UGT1A10: variants seen among roughly 807,000 people sequenced by gnomAD.
The protein encoded by UGT1A10 is UDP-glucuronosyltransferase 1A10.
In UGT1A10, 49 loss-of-function variants were observed where a neutral mutation model predicts 45.8. The ratio of observed to expected loss-of-function variants is 1.07; its 90% CI spans 0.85 to 1.36. UGT1A10 has a LOEUF of 1.36. UGT1A10 is among the 40% of genes most tolerant of loss of function. The pLI, the probability that UGT1A10 is intolerant of heterozygous loss-of-function variation, is 0.00. For synonymous variants in UGT1A10, 284 were observed against 249.7 expected (o/e 1.14, Z -1.29); for missense variants, 745 against 668.6 (o/e 1.11, Z -1.26).
chr2:233,749,957 G>T (rs1223169654), intron 1 of UGT1A10, among the ~76,000 whole-genome samples: 2 of 151,888 alleles, frequency 1.3e-5, no homozygotes, highest in African/African-American at 4.9e-5. Context: ...CGAGTCTTGG[G>T]TATGTCTTTA....
chr2:233,697,076 G>T (rs2075374196), intron 1 of UGT1A10, among the ~76,000 whole-genome samples: 1 of 151,938 alleles, frequency 6.6e-6, no homozygotes, highest in African/African-American at 2.4e-5. Context: ...TTGGTATCAG[G>T]GTAACACTGG....
intron 1 of UGT1A10, among the ~76,000 whole-genome samples, chr2:233,645,172 T>A (rs931646609): frequency 2.0e-5 from 3 of 152,172 alleles, no homozygotes; most frequent in African/African-American, 7.2e-5. Flanking sequence ...GAAAAATTGT[T>A]CTTGTTGACT....
intron 1 of UGT1A10, among the ~76,000 whole-genome samples, chr2:233,654,012 A>G (rs949913759): frequency 6.6e-6 from 1 of 152,236 alleles, no homozygotes; most frequent in Non-Finnish European, 1.5e-5. Context: ...TCTTGTGCTA[A>G]TGCACTTCCA....
At chr2:233,662,631 G>C (rs1339480517) in intron 1 of UGT1A10, among the ~76,000 whole-genome samples, 1 of 151,994 alleles carries the variant, frequency 6.6e-6, no homozygotes, top group Non-Finnish European at 1.5e-5. Context: ...TCTTTTTCTT[G>C]TTTGACTGCA....
At position 233,636,495 on chromosome 2, in the gene UGT1A10, A is replaced by G. The variant is rs368365791; in HGVS notation, c.-28A>G. The G allele has an allele frequency of 6.3e-7, 1 of 1,597,190 alleles. No homozygotes were observed. Among genetic ancestry groups the G allele is most frequent in the Non-Finnish European group, 8.5e-7 (1 of 1,170,420 alleles). On this transcript the variant is annotated 5_prime_UTR_variant, in exon 1 of 5. Coordinates refer to ENST00000344644, the MANE Select transcript of UGT1A10 (RefSeq NM_019075.4). ...CTGTATCATAGCAGCTTAGAATCCC[A>G]GCTGCTGGCTCGGGCTGCAGTTCTC...
intron 1 of UGT1A10, chr2:233,756,091 C>T (rs1221587010): frequency 6.6e-6 from 1 of 152,178 alleles, no homozygotes; most frequent in Non-Finnish European, 1.5e-5. Flanking sequence ...AATCAAGTAA[C>T]ATTATTACGG....
Position 233,637,227 on chromosome 2 carries a change from C to T in UGT1A10, c.705C>T (p.Leu235=), listed in dbSNP as rs146476858. 250 of 1,613,950 alleles carry T rather than the reference C, an allele frequency of 1.5e-4. No individual in the cohort carries two copies. The Middle Eastern group carries it at 1.8e-3, about 12-fold the overall frequency. ...RNALEIASEI[L]QTPVTAYDLY... ...CCCTAGAAATAGCCTCTGAAATTCT[C>T]CAAACCCCTGTCACGGCATATGATC... The change falls in exon 1 of 5, where the codon CTC becomes CTT. Residue 235 remains leucine, a synonymous_variant. Transcript: ENST00000344644.
intron 1 of UGT1A10, among the ~76,000 whole-genome samples, chr2:233,757,562 G>GATATATATATATATA (rs1696648748): frequency 1.1e-5 from 1 of 90,870 alleles, no homozygotes; most frequent in Non-Finnish European, 2.1e-5. Context: ...ATATATATAT[G>GATATATATATATATA]TATATATGAT....
At chr2:233,718,637 T>A in intron 1 of UGT1A10, 1 of 1,451,650 alleles carries the variant, frequency 6.9e-7, no homozygotes, top group Non-Finnish European at 9.3e-7. Context: ...TTTCCCAGGG[T>A]TGGGCCCATA....
chr2:233,730,127 C>G (rs2077990319), intron 1 of UGT1A10: 1 of 1,540,256 alleles, frequency 6.5e-7, no homozygotes, highest in East Asian at 2.4e-5. Context: ...GTCATAATAG[C>G]CTTCAGTGAG....
At chr2:233,695,433 TTC>T (rs979728696) in intron 1 of UGT1A10, among the ~76,000 whole-genome samples, 4 of 150,934 alleles carry the variant, frequency 2.7e-5, no homozygotes, top group East Asian at 1.9e-4. Flanking sequence ...CTTCTTCTTC[TTC>T]TTTTTTTTTT....
At chr2:233,691,991 T>C (rs573865002) in intron 1 of UGT1A10, 20 of 152,334 alleles carry the variant, frequency 1.3e-4, no homozygotes, top group Admixed American at 1.2e-3. Flanking sequence ...TAAGTTTATG[T>C]AAAGGAGATG....
At chr2:233,657,364 A>G (rs904459167) in intron 1 of UGT1A10, among the ~76,000 whole-genome samples, 44 of 152,176 alleles carry the variant, frequency 2.9e-4, no homozygotes, top group African/African-American at 1.0e-3. Context: ...TGGTACCAAC[A>G]TCTGTTTCTG....
At chr2:233,744,624 T>A (rs1301133091) in intron 1 of UGT1A10, among the ~76,000 whole-genome samples, 12 of 151,914 alleles carry the variant, frequency 7.9e-5, no homozygotes, top group Non-Finnish European at 1.5e-4. Context: ...TATAGAGAGG[T>A]GGATTCTCAT....
intron 1 of UGT1A10, among the ~76,000 whole-genome samples, chr2:233,663,168 A>G (rs1901815): frequency 0.97 from 148,085 of 152,206 alleles, 72,061 homozygotes; most frequent in East Asian, 1. Context: ...TGGTGTAACC[A>G]CCCGGGGGAT....
Position 233,690,582 on chromosome 2 carries a change from C to T in UGT1A10, c.855+53205C>T, listed in dbSNP as rs373003264. The T allele has an allele frequency of 2.3e-6, 3 of 1,283,748 alleles. No individual in the cohort carries two copies. The African/African-American group carries it at 4.6e-5, about 20-fold the overall frequency. The allele number at this position is 1,283,748 out of a possible 1,614,324, so 79.5% of individuals were successfully genotyped here. Reference sequence around the variant, plus strand: ...CCTGAGTCATTCAGCCTGCAGCAATCCCTGAGAAAAAAAAAAAATCGGCCT... The same window carrying T: ...CCTGAGTCATTCAGCCTGCAGCAATTCCTGAGAAAAAAAAAAAATCGGCCT... On this transcript the variant is annotated intron_variant, in intron 1 of 4. Transcript: ENST00000344644.
At chr2:233,732,047 A>C (rs1159846609) in intron 1 of UGT1A10, among the ~76,000 whole-genome samples, 1 of 152,222 alleles carries the variant, frequency 6.6e-6, no homozygotes, top group Admixed American at 6.5e-5. Flanking sequence ...GATGATGAGC[A>C]TTTATTCATG....
intron 1 of UGT1A10, among the ~76,000 whole-genome samples, chr2:233,685,336 A>G (rs2074735162): frequency 1.3e-5 from 2 of 152,078 alleles, no homozygotes; most frequent in Admixed American, 6.6e-5. Flanking sequence ...CCCGGACTTA[A>G]AGTGGTTTTA....
At chr2:233,700,813 C>CAT (rs2075589414) in intron 1 of UGT1A10, among the ~76,000 whole-genome samples, 1 of 151,890 alleles carries the variant, frequency 6.6e-6, no homozygotes, top group African/African-American at 2.4e-5. Context: ...TGTTGGTGTG[C>CAT]TGCACCCATT....
Sources: allele counts gnomAD v4.1 joint callset (sites outside exome capture counted in the v4.1 genomes callset), GRCh38; gene constraint gnomAD v4.1.1; transcripts MANE v1.5; gene names NCBI Gene and HGNC (gene_info 2026-07-23, HGNC 2026-07-21).